The following RASGRF2 variants were observed in gnomAD, a reference collection of about 807,000 sequenced individuals.
The protein encoded by RASGRF2 is Ras protein specific guanine nucleotide releasing factor 2.
A neutral mutation model predicts 151.0 loss-of-function variants in RASGRF2; 76 were observed. That is an observed-to-expected ratio of 0.50 (90% CI 0.42 to 0.61). The LOEUF (loss-of-function observed/expected upper bound fraction) is 0.61. RASGRF2 is among the 20% of genes least tolerant of loss of function. The pLI is 0.00. For missense variants in RASGRF2, 1,148 were observed against 1,564.6 expected (o/e 0.73, Z 4.49); for synonymous variants, 504 against 566.5 (o/e 0.89, Z 1.57).
intron 2 of RASGRF2, among the ~76,000 whole-genome samples, chr5:81,047,235 A>T (rs1375257196): frequency 6.6e-6 from 1 of 152,206 alleles, no homozygotes; most frequent in East Asian, 1.9e-4. Flanking sequence ...AAACTGTGAG[A>T]CACTGAATTG....
intron 1 of RASGRF2, among the ~76,000 whole-genome samples, chr5:80,977,618 G>A (rs1378958560): frequency 2.6e-5 from 4 of 151,966 alleles, no homozygotes; most frequent in Non-Finnish European, 4.4e-5. Context: ...CACCACACCC[G>A]GCTAATTTTT....
intron 23 of RASGRF2, among the ~76,000 whole-genome samples, chr5:81,215,267 CTTT>C (rs772223510): frequency 1.2e-4 from 14 of 119,754 alleles, no homozygotes; most frequent in Non-Finnish European, 6.9e-5. Context: ...AATATAGAAT[CTTT>C]TTTTTTTTTT....
chr5:81,022,013 C>T (rs531598106), intron 1 of RASGRF2, among the ~76,000 whole-genome samples: 1 of 152,264 alleles, frequency 6.6e-6, no homozygotes, highest in African/African-American at 2.4e-5. Context: ...AGCCATTCCA[C>T]TGGAATTCAG....
At chr5:81,112,296 G>A (rs111391280) in intron 13 of RASGRF2, among the ~76,000 whole-genome samples, 9 of 152,208 alleles carry the variant, frequency 5.9e-5, no homozygotes, top group African/African-American at 1.9e-4. Context: ...AACGTTTTAC[G>A]TAATATTCAC....
At chr5:80,998,263 T>G (rs1478268419) in intron 1 of RASGRF2, among the ~76,000 whole-genome samples, 1 of 152,232 alleles carries the variant, frequency 6.6e-6, no homozygotes, top group Non-Finnish European at 1.5e-5. Context: ...GGTAAATTTC[T>G]ATTTCCTGTT....
intron 17 of RASGRF2, among the ~76,000 whole-genome samples, chr5:81,175,392 G>A (rs1409112792): frequency 2.0e-5 from 3 of 152,150 alleles, no homozygotes; most frequent in Non-Finnish European, 4.4e-5. Flanking sequence ...AAATCCAGTT[G>A]TAATCCAAGT....
chr5:81,195,567 T>G (rs115167844), intron 18 of RASGRF2, among the ~76,000 whole-genome samples: 58 of 135,978 alleles, frequency 4.3e-4, no homozygotes, highest in African/African-American at 1.7e-3. Context: ...GATTTTTTTT[T>G]TGTGACCTTT....
Position 81,172,434 on chromosome 5 carries a change from C to CGTGT in RASGRF2, c.2687-7704_2687-7701dup, listed in dbSNP as rs57957668. On this transcript the variant is annotated intron_variant, in intron 17 of 26. Coordinates refer to ENST00000265080, the MANE Select transcript of RASGRF2 (RefSeq NM_006909.3). ...GCTTTCCCTCGTCTACAAGGATGTG[C>CGTGT]GTGTGTGTGTGTGTGTGTGTGTGTG... Among the ~76,000 whole-genome samples, 941 of 145,606 alleles carry CGTGT rather than the reference C, an allele frequency of 6.5e-3. 14 individuals are homozygous for CGTGT. Among genetic ancestry groups the CGTGT allele is most frequent in the Non-Finnish European group, 5.5e-3 (364 of 65,802 alleles).
chr5:81,155,066 A>C (rs542785056), intron 17 of RASGRF2, among the ~76,000 whole-genome samples: 2 of 152,166 alleles, frequency 1.3e-5, no homozygotes, highest in African/African-American at 2.4e-5. Context: ...CCTGTTGGCC[A>C]TTTGTGTGTC....
At chr5:81,007,531 G>A (rs147962483) in intron 1 of RASGRF2, among the ~76,000 whole-genome samples, 191 of 152,202 alleles carry the variant, frequency 1.3e-3, no homozygotes, top group Middle Eastern at 3.4e-3. Flanking sequence ...GCCCCGGGAT[G>A]TCATTTTTTC....
chr5:80,973,586 C>G (rs1021321463), intron 1 of RASGRF2, among the ~76,000 whole-genome samples: 5 of 152,174 alleles, frequency 3.3e-5, no homozygotes, highest in African/African-American at 1.2e-4. Context: ...GGAGGGCGAG[C>G]CAACCAGGCT....
intron 1 of RASGRF2, among the ~76,000 whole-genome samples, chr5:80,974,246 T>A (rs1419909863): frequency 6.6e-6 from 1 of 152,224 alleles, no homozygotes; most frequent in Admixed American, 6.5e-5. Context: ...AAGAAGGGTA[T>A]CTTTAATCTG....
intron 2 of RASGRF2, among the ~76,000 whole-genome samples, chr5:81,062,805 T>C (rs1407440897): frequency 2.0e-5 from 3 of 152,198 alleles, no homozygotes; most frequent in Admixed American, 6.5e-5. Flanking sequence ...TTCAATGTCA[T>C]TTTATTGTCT....
chr5:81,115,451 G>A (rs868846740), intron 15 of RASGRF2, among the ~76,000 whole-genome samples: 1 of 152,172 alleles, frequency 6.6e-6, no homozygotes. Flanking sequence ...CAGTGCTTGG[G>A]AAACCCTGTG....
At position 81,225,785 on chromosome 5, in the gene RASGRF2, C is replaced by A; in HGVS notation, c.*15C>A. On this transcript the variant is annotated 3_prime_UTR_variant, in exon 27 of 27. Transcript: ENST00000265080. ...TCCCTGCTTGAAGATCTGGCCTTGCCCCTGAGTCCACGGGATGTTCATGGA... is the reference window on the plus strand; with the variant it reads ...TCCCTGCTTGAAGATCTGGCCTTGCACCTGAGTCCACGGGATGTTCATGGA... 6.2e-7 allele frequency: 1 copy of A among 1,609,636 alleles called. No individual in the cohort carries two copies. Among genetic ancestry groups the A allele is most frequent in the Non-Finnish European group, 8.5e-7 (1 of 1,178,948 alleles).
At chr5:81,158,284 G>T (rs958666034) in intron 17 of RASGRF2, among the ~76,000 whole-genome samples, 3 of 152,166 alleles carry the variant, frequency 2.0e-5, no homozygotes, top group African/African-American at 4.8e-5. Context: ...GACAGTGGTG[G>T]TAGGGAAATT....
chr5:81,052,446 G>T (rs1751042372), intron 2 of RASGRF2, among the ~76,000 whole-genome samples: 2 of 152,176 alleles, frequency 1.3e-5, no homozygotes, highest in South Asian at 4.1e-4. Context: ...CAGGAAAGAA[G>T]GAGCAATGTT....
intron 18 of RASGRF2, among the ~76,000 whole-genome samples, chr5:81,185,300 C>T (rs2112683975): frequency 6.6e-6 from 1 of 152,324 alleles, no homozygotes; most frequent in Admixed American, 6.5e-5. Flanking sequence ...GTGAAAGGTG[C>T]TGGCTGGGCA....
intron 26 of RASGRF2, among the ~76,000 whole-genome samples, chr5:81,223,124 A>G (rs1202069433): frequency 1.3e-5 from 2 of 152,236 alleles, no homozygotes; most frequent in African/African-American, 4.8e-5. Flanking sequence ...GGATCAAAAC[A>G]CTTACTATTG....
Sources: allele counts gnomAD v4.1 joint callset (sites outside exome capture counted in the v4.1 genomes callset), GRCh38; gene constraint gnomAD v4.1.1; transcripts MANE v1.5; gene names NCBI Gene and HGNC (gene_info 2026-07-23, HGNC 2026-07-21).